ZFHX3: variants seen among roughly 807,000 people sequenced by gnomAD.
ZFHX3 encodes the protein zinc finger homeobox 3, also known as zinc finger homeobox protein 3.
In ZFHX3, 42 loss-of-function variants were observed where a neutral mutation model predicts 279.1. The observed-to-expected ratio is 0.15, with a 90% confidence interval of 0.12 to 0.19. ZFHX3 has a LOEUF of 0.19. ZFHX3 is among the 10% of genes least tolerant of loss of function. The pLI is 1.00. For missense variants in ZFHX3, 4,981 were observed against 4,754.0 expected (o/e 1.05, Z -1.40); for synonymous variants, 2,293 against 1,957.8 (o/e 1.17, Z -4.52).
At position 72,958,270 on chromosome 16, in the gene ZFHX3, G is replaced by A. The variant is rs758458326; in HGVS notation, c.1876C>T (p.Leu626Phe). The A allele has an allele frequency of 2.5e-6, 4 of 1,613,836 alleles. No homozygotes were observed. Among genetic ancestry groups the A allele is most frequent in the Non-Finnish European group, 1.7e-6 (2 of 1,179,836 alleles). The change falls in exon 2 of 10, where the codon CTC becomes TTC. Residue 626 changes from leucine (L) to phenylalanine (F), a missense_variant. By Grantham distance (22) the Leu-to-Phe change is conservative (BLOSUM62 0). Transcript: ENST00000268489. ...FVPHHQHAGS[L>F]CELGVGECPS... ...CACTCCCCAACCCCAAGCTCGCAGA[G>A]GGAGCCAGCGTGCTGGTGATGGGGA...
intron 2 of ZFHX3, among the ~76,000 whole-genome samples, chr16:73,598,462 G>A (rs1184214634): frequency 6.7e-6 from 1 of 150,344 alleles, no homozygotes; most frequent in African/African-American, 2.5e-5. Context: ...CTGTTGCCCA[G>A]GCTGGAGCGT....
chr16:73,779,353 A>G (rs1959372301), intron 1 of ZFHX3, among the ~76,000 whole-genome samples: 1 of 152,190 alleles, frequency 6.6e-6, no homozygotes, highest in South Asian at 2.1e-4. Context: ...TAGTGATGAA[A>G]AGAATTCATC....
At chr16:73,277,226 C>T (rs775249602) in intron 4 of ZFHX3, among the ~76,000 whole-genome samples, 3 of 152,186 alleles carry the variant, frequency 2.0e-5, no homozygotes, top group Non-Finnish European at 2.9e-5. Flanking sequence ...AATCTCAGGG[C>T]TGACAAACTG....
At chr16:73,385,259 G>C (rs574782276) in intron 3 of ZFHX3, among the ~76,000 whole-genome samples, 8 of 152,052 alleles carry the variant, frequency 5.3e-5, no homozygotes, top group Non-Finnish European at 1.2e-4. Context: ...TCCAATTTTT[G>C]TGCTTTGCAA....
At chr16:73,355,676 G>A (rs1453269074) in intron 3 of ZFHX3, among the ~76,000 whole-genome samples, 2 of 152,192 alleles carry the variant, frequency 1.3e-5, no homozygotes, top group African/African-American at 2.4e-5. Flanking sequence ...AAGGACCTTG[G>A]AGTCAGGCAG....
At chr16:73,493,355 C>T (rs1437294093) in intron 2 of ZFHX3, among the ~76,000 whole-genome samples, 1 of 152,172 alleles carries the variant, frequency 6.6e-6, no homozygotes, top group African/African-American at 2.4e-5. Context: ...ACTTCCATGG[C>T]TACATGGCCA....
At chr16:73,541,957 G>A (rs973227234) in intron 2 of ZFHX3, among the ~76,000 whole-genome samples, 12 of 151,562 alleles carry the variant, frequency 7.9e-5, no homozygotes, top group Admixed American at 2.0e-4. Flanking sequence ...ACCTGCCACC[G>A]TGCCTGGCTA....
intron 1 of ZFHX3, among the ~76,000 whole-genome samples, chr16:72,972,264 T>G (rs992289560): frequency 6.6e-6 from 1 of 152,192 alleles, no homozygotes; most frequent in Non-Finnish European, 1.5e-5. Context: ...TTGCAGAATT[T>G]GACTGGTGAT....
chr16:73,683,251 C>T (rs112206480), intron 1 of ZFHX3, among the ~76,000 whole-genome samples: 14 of 152,270 alleles, frequency 9.2e-5, no homozygotes, highest in African/African-American at 3.4e-4. Context: ...GCTCAAAGCC[C>T]GTTCACTTCC....
intron 4 of ZFHX3, among the ~76,000 whole-genome samples, chr16:72,841,315 T>G (rs1184176487): frequency 6.6e-6 from 1 of 152,184 alleles, no homozygotes; most frequent in African/African-American, 2.4e-5. Context: ...CCTGGGAAAC[T>G]GCAAAGAAAG....
chr16:72,839,252 C>T (rs972818508), intron 4 of ZFHX3, among the ~76,000 whole-genome samples: 2 of 151,524 alleles, frequency 1.3e-5, no homozygotes, highest in Admixed American at 6.6e-5. Context: ...AATGTCAGCG[C>T]GACGACAAAG....
intron 1 of ZFHX3, chr16:73,015,586 T>C (rs1476840110): frequency 2.0e-5 from 3 of 152,242 alleles, no homozygotes; most frequent in African/African-American, 7.2e-5. Flanking sequence ...CAGTTCCTTT[T>C]ATCAATTCAC....
chr16:72,818,104 A>C (rs2036667105), intron 5 of ZFHX3, among the ~76,000 whole-genome samples: 1 of 152,208 alleles, frequency 6.6e-6, no homozygotes, highest in South Asian at 2.1e-4. Flanking sequence ...ACATAGCTCC[A>C]TACTTAATGT....
At chr16:72,944,967 T>C (rs547611988) in intron 3 of ZFHX3, among the ~76,000 whole-genome samples, 8 of 152,230 alleles carry the variant, frequency 5.3e-5, no homozygotes, top group African/African-American at 1.9e-4. Context: ...TTTTTTTCAA[T>C]AGGCACAACT....
At position 73,239,926 on chromosome 16, in the gene ZFHX3, G is replaced by T. The variant is rs193140205; in HGVS notation, c.-1104+17121C>A. 1.6e-4 allele frequency among the ~76,000 whole-genome samples: 25 copies of T among 152,196 alleles called. 1 individual carries two copies. The highest frequency in any genetic ancestry group is 6.8e-3 in the Middle Eastern group (2 of 294). ...GCTCCTAGGGGAAATAGAGAATTAG[G>T]TTCCTGCAAGCCTCTGGTCACAATG... On this transcript the variant is annotated intron_variant, in intron 5 of 17. Coordinates refer to the ZFHX3 transcript ENST00000641206.
At chr16:73,742,497 T>G (rs1187466830) in intron 1 of ZFHX3, among the ~76,000 whole-genome samples, 1 of 152,206 alleles carries the variant, frequency 6.6e-6, no homozygotes, top group Non-Finnish European at 1.5e-5. Flanking sequence ...CTATTAATAT[T>G]AGTCCAGGGC....
At chr16:73,545,688 G>A (rs536177375) in intron 2 of ZFHX3, among the ~76,000 whole-genome samples, 1 of 151,894 alleles carries the variant, frequency 6.6e-6, no homozygotes, top group South Asian at 2.1e-4. Flanking sequence ...TTATCAATTT[G>A]ATGCTGTTTC....
At chr16:72,910,188 C>T (rs1307892663) in intron 3 of ZFHX3, among the ~76,000 whole-genome samples, 2 of 152,152 alleles carry the variant, frequency 1.3e-5, no homozygotes, top group East Asian at 1.9e-4. Flanking sequence ...CTGTAACTGA[C>T]GCCACTTTGA....
At position 72,794,264 on chromosome 16, in the gene ZFHX3, C is replaced by G; in HGVS notation, c.8418G>C (p.Lys2806Asn). 1 of 1,614,106 alleles carries G rather than the reference C, an allele frequency of 6.2e-7. No individual in the cohort carries two copies. The highest frequency in any genetic ancestry group is 8.5e-7 in the Non-Finnish European group (1 of 1,179,982). ...TTTCAAAGTCTTCAATCCCTTCCAC[C>G]TTAATGGAGGAAGGGCTTAGAAGAG... ...PRTLLSPSSI[K>N]VEGIEDFESP... Residue 2806 changes from lysine (K) to asparagine (N), a missense_variant, in exon 9 of 10, where the codon AAG becomes AAC. Lys to Asn is a moderately conservative substitution (Grantham distance 94, BLOSUM62 0). Around this residue, in one of 7 missense-constraint regions of ZFHX3, gnomAD observed 744 missense variants for 701.3 expected, o/e 1.06. Transcript: ENST00000268489. This position sits in a 1 kb window ranked among gnomAD's most constrained non-coding sequence, Gnocchi z 4.2.
Sources: gnomAD v4.1 joint callset for allele counts (sites outside exome capture counted in the v4.1 genomes callset) on GRCh38, gnomAD v4.1.1 for gene constraint, gnomAD v4.1.1 regional missense constraint, Gnocchi (gnomAD v3.1) non-coding constraint, MANE v1.5 for transcripts, NCBI Gene and HGNC (gene_info 2026-07-23, HGNC 2026-07-21) for gene names.